GRM7: variants seen among roughly 807,000 people sequenced by gnomAD.
GRM7 encodes the protein glutamate metabotropic receptor 7.
GRM7 carries 35 observed loss-of-function variants against 84.5 expected under a neutral mutation model. That is an observed-to-expected ratio of 0.41 (90% confidence interval 0.32 to 0.55). The LOEUF (loss-of-function observed/expected upper bound fraction) is 0.55. Among genes scored for constraint, GRM7 ranks in the 20% least tolerant of loss-of-function variants. The pLI is 0.19. For missense variants in GRM7, 1,003 were observed against 1,194.6 expected (o/e 0.84, Z 2.36); for synonymous variants, 487 against 455.1 (o/e 1.07, Z -0.89).
chr3:7,208,626 C>T (rs1003778976), intron 2 of GRM7, among the ~76,000 whole-genome samples: 8 of 152,212 alleles, frequency 5.3e-5, no homozygotes, highest in South Asian at 2.1e-4. Context: ...TAGCTGATAT[C>T]GTAGTATTAT....
intron 1 of GRM7, among the ~76,000 whole-genome samples, chr3:7,112,811 C>T (rs1216296518): frequency 2.6e-5 from 4 of 152,146 alleles, no homozygotes; most frequent in African/African-American, 7.2e-5. Context: ...AAAGGAATTT[C>T]AAGGTCATGA....
At chr3:7,283,149 G>A (rs553946013) in intron 2 of GRM7, among the ~76,000 whole-genome samples, 1 of 152,166 alleles carries the variant, frequency 6.6e-6, no homozygotes, top group Non-Finnish European at 1.5e-5. Flanking sequence ...GTAGGGAATG[G>A]TGAAGACCAT....
intron 8 of GRM7, among the ~76,000 whole-genome samples, chr3:7,675,102 T>A (rs1700075487): frequency 6.6e-6 from 1 of 152,246 alleles, no homozygotes; most frequent in Admixed American, 6.5e-5. Context: ...TATTCATATA[T>A]TGTTACATCA....
rs577185524 is a variant in GRM7 at position 7,459,451 on chromosome 3, C to T, written c.1376-2132C>T. On this transcript the variant is annotated intron_variant, in intron 6 of 9. Transcript: ENST00000357716. ...CTGCTGCACTGCTGATAAAGACTTG[C>T]CTAATACTGGGTAATTTATAAAGAA... Among the ~76,000 whole-genome samples the T allele has an allele frequency of 1.1e-4, 16 of 152,104 alleles. 1 individual carries two copies. In the East Asian group the frequency reaches 2.5e-3, roughly 24 times the overall value.
intron 2 of GRM7, among the ~76,000 whole-genome samples, chr3:7,277,391 A>G (rs1207331351): frequency 6.6e-6 from 1 of 151,982 alleles, no homozygotes; most frequent in South Asian, 2.1e-4. Context: ...TAATGGTCAA[A>G]TTTTATCAAG....
chr3:6,935,537 T>C (rs995073088), intron 1 of GRM7, among the ~76,000 whole-genome samples: 3 of 151,938 alleles, frequency 2.0e-5, no homozygotes, highest in Non-Finnish European at 4.4e-5. Context: ...TTCACCCTTT[T>C]TACCTGCTCT....
intron 2 of GRM7, among the ~76,000 whole-genome samples, chr3:7,287,471 C>G (rs181502654): frequency 1.3e-5 from 2 of 152,112 alleles, no homozygotes; most frequent in Non-Finnish European, 2.9e-5. Flanking sequence ...GAAGCATTTA[C>G]CCAAAGTCAT....
intron 8 of GRM7, among the ~76,000 whole-genome samples, chr3:7,659,998 G>A (rs1559470615): frequency 2.0e-5 from 3 of 152,298 alleles, no homozygotes; most frequent in East Asian, 3.9e-4. Context: ...AATCTACAGA[G>A]AAAACTGAAG....
intron 4 of GRM7, among the ~76,000 whole-genome samples, chr3:7,352,863 T>C (rs1693222555): frequency 6.6e-6 from 1 of 152,064 alleles, no homozygotes; most frequent in Non-Finnish European, 1.5e-5. Context: ...TCCTCCAACA[T>C]GTCCCTGTCC....
At chr3:7,444,428 T>C (rs1181812636) in intron 5 of GRM7, among the ~76,000 whole-genome samples, 1 of 152,222 alleles carries the variant, frequency 6.6e-6, no homozygotes, top group African/African-American at 2.4e-5. Context: ...ACTGAATCTC[T>C]GTGCTTCTTT....
chr3:7,406,809 C>T (rs1360547393), intron 4 of GRM7, among the ~76,000 whole-genome samples: 1 of 152,160 alleles, frequency 6.6e-6, no homozygotes, highest in African/African-American at 2.4e-5. Context: ...AGGATAAATA[C>T]CTTGAAACAT....
At chr3:7,086,189 T>C (rs899266662) in intron 1 of GRM7, among the ~76,000 whole-genome samples, 12 of 152,170 alleles carry the variant, frequency 7.9e-5, no homozygotes, top group Non-Finnish European at 1.8e-4. Flanking sequence ...ATTGAGTCTA[T>C]AGAATCACTG....
At chr3:7,136,655 C>T (rs1343343469) in intron 1 of GRM7, among the ~76,000 whole-genome samples, 1 of 152,084 alleles carries the variant, frequency 6.6e-6, no homozygotes, top group African/African-American at 2.4e-5. Flanking sequence ...TGTCTCTGGC[C>T]ACACCAACTT....
chr3:7,086,979 A>G (rs1698479783), intron 1 of GRM7, among the ~76,000 whole-genome samples: 1 of 152,164 alleles, frequency 6.6e-6, no homozygotes, highest in Admixed American at 6.6e-5. Flanking sequence ...CCAGCAGTAA[A>G]TAAGGACATG....
At chr3:6,930,345 T>C (rs1322512334) in intron 1 of GRM7, among the ~76,000 whole-genome samples, 1 of 152,202 alleles carries the variant, frequency 6.6e-6, no homozygotes, top group Non-Finnish European at 1.5e-5. Flanking sequence ...CAATGTTCGA[T>C]AAAACTTACT....
rs147009511 is a variant in GRM7 at position 7,605,990 on chromosome 3, G to A, written c.2451+26633G>A. 3.5e-3 allele frequency among the ~76,000 whole-genome samples: 538 copies of A among 152,288 alleles called. 6 individuals are homozygous for A. The highest frequency in any genetic ancestry group is 0.012 in the African/African-American group (513 of 41,566). On this transcript the variant is annotated intron_variant, in intron 8 of 9. Transcript: ENST00000357716. ...ATTTGGCTGATGGGCCATGTTGACCGATGTCTGAGGTATACTGTTGTTGCC... is the reference window on the plus strand; with the variant it reads ...ATTTGGCTGATGGGCCATGTTGACCAATGTCTGAGGTATACTGTTGTTGCC...
chr3:6,908,809 C>A (rs1696669796), intron 1 of GRM7, among the ~76,000 whole-genome samples: 1 of 152,108 alleles, frequency 6.6e-6, no homozygotes, highest in Non-Finnish European at 1.5e-5. Context: ...CCTATTAGAA[C>A]TAGCAAGAAC....
intron 8 of GRM7, among the ~76,000 whole-genome samples, chr3:7,581,134 A>G (rs562476930): frequency 2.0e-5 from 3 of 152,294 alleles, no homozygotes; most frequent in Admixed American, 1.3e-4. Flanking sequence ...CTATTTGACA[A>G]TATATGTCTC....
intron 7 of GRM7, among the ~76,000 whole-genome samples, chr3:7,473,024 C>A (rs904731020): frequency 1.3e-5 from 2 of 152,166 alleles, no homozygotes; most frequent in African/African-American, 4.8e-5. Flanking sequence ...ATACCCAGCT[C>A]TCACATTCTC....
Sources: gnomAD v4.1 joint callset for allele counts (sites outside exome capture counted in the v4.1 genomes callset) on GRCh38, gnomAD v4.1.1 for gene constraint, MANE v1.5 for transcripts, NCBI Gene and HGNC (gene_info 2026-07-23, HGNC 2026-07-21) for gene names.